Variants in TSSK1B observed in about 807,000 individuals in gnomAD.
TSSK1B encodes the protein testis-specific serine/threonine-protein kinase 1.
In TSSK1B, 2 loss-of-function variants were observed where a neutral mutation model predicts 4.0. The ratio of observed to expected loss-of-function variants is 0.50; its 90% CI spans 0.20 to 1.57. TSSK1B has a LOEUF of 1.57. TSSK1B is among the 40% of genes most tolerant of loss of function. The pLI, the probability that TSSK1B is intolerant of heterozygous loss-of-function variation, is 0.22. For missense variants in TSSK1B, 488 were observed against 495.1 expected (o/e 0.99, Z 0.14); for synonymous variants, 198 against 200.7 (o/e 0.99, Z 0.11).
Position 113,433,441 on chromosome 5 carries a change from C to T in TSSK1B, c.*295G>A, listed in dbSNP as rs528103200. 8.3e-6 allele frequency: 5 copies of T among 601,478 alleles called. No individual in the cohort carries two copies. Among genetic ancestry groups the T allele is most frequent in the East Asian group, 6.4e-5 (2 of 31,128 alleles). The allele number at this position is 601,478 out of a possible 1,614,324, so 37.3% of individuals were successfully genotyped here. A position where few individuals can be genotyped will look rare whatever the true frequency, so the allele number is the denominator to read the frequency against. On this transcript the variant is annotated 3_prime_UTR_variant, in exon 1 of 1. Transcript: ENST00000390666. The stretch of plus-strand genomic sequence containing the variant: ...TGCTCTTGCTGTCACTGAGCCGTTG[C>T]GGCCAGTGGGGACCCTCTGCTGAGA...
rs1228770455 is a variant in TSSK1B, at chr5:113,433,197, AGT to A, written c.*537_*538del. On this transcript the variant is annotated 3_prime_UTR_variant, in exon 1 of 1. Coordinates refer to ENST00000390666, the MANE Select transcript of TSSK1B (RefSeq NM_032028.4). The stretch of plus-strand genomic sequence containing the variant: ...CGGAGCCCCCGAGGCTGCCGCCGAG[AGT>A]GCCCGCGAGCCCGTGGCCCAGCCGA... 1.1e-5 allele frequency: 2 copies of A among 176,796 alleles called. No individual in the cohort carries two copies. Among genetic ancestry groups the A allele is most frequent in the Non-Finnish European group, 2.4e-5 (2 of 83,352 alleles). 11.0% of individuals were successfully genotyped at this position (176,796 alleles called of 1,614,324 possible).
In TSSK1B at chr5:113,432,866, G is replaced by C. The variant is rs1770704368; in HGVS notation, c.*870C>G. Reference sequence around the variant, plus strand: ...CAAGGAGAATGATTAAATATAAAGAGTTAAAAACAGGAATATAATTTCCAA... The same window carrying C: ...CAAGGAGAATGATTAAATATAAAGACTTAAAAACAGGAATATAATTTCCAA... On this transcript the variant is annotated 3_prime_UTR_variant, in exon 1 of 1. Transcript: ENST00000390666. The C allele has an allele frequency of 6.6e-6, 1 of 152,174 alleles. No individual in the cohort carries two copies. Among genetic ancestry groups the C allele is most frequent in the Non-Finnish European group, 1.5e-5 (1 of 68,036 alleles). 9.4% of individuals were successfully genotyped at this position (152,174 alleles called of 1,614,324 possible).
rs1770803994 is a variant in TSSK1B at position 113,434,924 on chromosome 5, G to T, written c.-85C>A. On this transcript the variant is annotated 5_prime_UTR_variant, in exon 1 of 1. Coordinates refer to ENST00000390666, the MANE Select transcript of TSSK1B (RefSeq NM_032028.4). The surrounding 1 kb of genome is among the most constrained non-coding windows in gnomAD (Gnocchi z 4.2). ...CAGCAGTGTGCTCATTTACATCCTGGATAGAGAGTCCTTTGGGCTGGCCAG... is the reference window on the plus strand; with the variant it reads ...CAGCAGTGTGCTCATTTACATCCTGTATAGAGAGTCCTTTGGGCTGGCCAG... 6.7e-7 allele frequency: 1 copy of T among 1,500,232 alleles called. No individual in the cohort carries two copies. The highest frequency in any genetic ancestry group is 1.3e-5 in the South Asian group (1 of 75,058). 92.9% of individuals were successfully genotyped at this position (1,500,232 alleles called of 1,614,324 possible). A position where few individuals can be genotyped will look rare whatever the true frequency, so the allele number is the denominator to read the frequency against.
In TSSK1B at chr5:113,434,499, C is replaced by T. The variant is rs568715339; in HGVS notation, c.341G>A (p.Arg114His). ...TRGALHEDEA[R>H]KKFHQLSLAI... The stretch of plus-strand genomic sequence containing the variant: ...CAAGGAAAGCTGGTGGAACTTCTTG[C>T]GAGCTTCGTCCTCATGCAGGGCTCC... Residue 114 changes from arginine to histidine, a missense_variant, in exon 1 of 1, where the codon CGC becomes CAC. Transcript: ENST00000390666. The surrounding 1 kb of genome is among the most constrained non-coding windows in gnomAD (Gnocchi z 4.2). 31 of 1,612,792 alleles carry T rather than the reference C, an allele frequency of 1.9e-5. No homozygotes were observed. The highest frequency in any genetic ancestry group is 9.4e-5 in the African/African-American group (7 of 74,836).
Position 113,432,706 on chromosome 5 carries a change from T to C in TSSK1B, c.*1030A>G, listed in dbSNP as rs1272377056. 2.0e-5 allele frequency: 3 copies of C among 152,236 alleles called. No individual in the cohort carries two copies. The highest frequency in any genetic ancestry group is 4.4e-5 in the Non-Finnish European group (3 of 68,038). The allele number at this position is 152,236 out of a possible 1,614,324, so 9.4% of individuals were successfully genotyped here. On this transcript the variant is annotated 3_prime_UTR_variant, in exon 1 of 1. Coordinates refer to ENST00000390666, the MANE Select transcript of TSSK1B (RefSeq NM_032028.4). ...TTGTTACATTGTTTCCAGTATTAGCTGATTCGTTTGTCCATTAATTGGATA... is the reference window on the plus strand; with the variant it reads ...TTGTTACATTGTTTCCAGTATTAGCCGATTCGTTTGTCCATTAATTGGATA...
chr5:113,433,040 C>G lies in TSSK1B; in HGVS notation c.*696G>C, dbSNP rs1407871095. 6.6e-6 allele frequency: 1 copy of G among 152,264 alleles called. No homozygotes were observed. The highest frequency in any genetic ancestry group is 6.5e-5 in the Admixed American group (1 of 15,290). 9.4% of individuals were successfully genotyped at this position (152,264 alleles called of 1,614,324 possible). ...CATTTTCTCCAGTTGCCATGCTACT[C>G]CTGAGGATCTAGGATAATACTGAAA... On this transcript the variant is annotated 3_prime_UTR_variant, in exon 1 of 1. Coordinates refer to ENST00000390666, the MANE Select transcript of TSSK1B (RefSeq NM_032028.4).
chr5:113,434,244 A>T lies in TSSK1B; in HGVS notation c.596T>A (p.Ile199Asn). ...GTAGAGGATCACGCCTAGGCTCCAG[A>T]TGTCGTACACCTTGGGCTGGTAGGG... Reference protein sequence around the residue: ...GIPYQPKVYDIWSLGVILYIM... With the variant: ...GIPYQPKVYDNWSLGVILYIM... Residue 199 changes from isoleucine to asparagine, a missense_variant, in exon 1 of 1, where the codon ATC (isoleucine) becomes AAC (asparagine). Coordinates refer to ENST00000390666, the MANE Select transcript of TSSK1B (RefSeq NM_032028.4). The surrounding 1 kb of genome is among the most constrained non-coding windows in gnomAD (Gnocchi z 4.2). 1 of 1,614,074 alleles carries T rather than the reference A, an allele frequency of 6.2e-7. No homozygotes were observed. The highest frequency in any genetic ancestry group is 1.6e-4 in the Middle Eastern group (1 of 6,062).
chr5:113,434,064 C>T lies in TSSK1B; in HGVS notation c.776G>A (p.Arg259Gln), dbSNP rs754276272. 6.8e-6 allele frequency: 11 copies of T among 1,614,024 alleles called. No individual in the cohort carries two copies. Among genetic ancestry groups the T allele is most frequent in the South Asian group, 3.3e-5 (3 of 91,078 alleles). Residue 259 changes from arginine to glutamine, a missense_variant, in exon 1 of 1, where the codon CGG becomes CAG. Transcript: ENST00000390666. The surrounding 1 kb of genome is among the most constrained non-coding windows in gnomAD (Gnocchi z 4.2). Reference protein sequence around the residue: ...IYHMLQPDVNRRLHIDEILSH... With the variant: ...IYHMLQPDVNQRLHIDEILSH... Reference sequence around the variant, plus strand: ...GAGGATCTCGTCGATGTGGAGCCGCCGGTTGACGTCGGGCTGCAGCATGTG... The same window carrying T: ...GAGGATCTCGTCGATGTGGAGCCGCTGGTTGACGTCGGGCTGCAGCATGTG...
rs1487294343 is a variant in TSSK1B at position 113,433,683 on chromosome 5, G to A, written c.*53C>T. ...TCTGGCTCCACCCTTGACTTCTTCAGAGCTTGGGCTTTAAGCCGTGAGCTC... is the reference window on the plus strand; with the variant it reads ...TCTGGCTCCACCCTTGACTTCTTCAAAGCTTGGGCTTTAAGCCGTGAGCTC... On this transcript the variant is annotated 3_prime_UTR_variant, in exon 1 of 1. Transcript: ENST00000390666. 1.3e-6 allele frequency: 2 copies of A among 1,560,670 alleles called. No homozygotes were observed. Among genetic ancestry groups the A allele is most frequent in the African/African-American group, 2.7e-5 (2 of 73,536 alleles).
rs1189796157 is a variant in TSSK1B at position 113,434,738 on chromosome 5, C to T, written c.102G>A (p.Leu34=). Residue 34 remains leucine, a synonymous_variant, in exon 1 of 1, where the codon CTG becomes CTA. Coordinates refer to ENST00000390666, the MANE Select transcript of TSSK1B (RefSeq NM_032028.4). The surrounding 1 kb of genome is among the most constrained non-coding windows in gnomAD (Gnocchi z 4.2). ...AKVKSAYSER[L]KFNVAIKIID... ...TGATCTTGATCGCCACATTGAACTTCAGGCGCTCAGAGTAAGCAGATTTTA... is the reference window on the plus strand; with the variant it reads ...TGATCTTGATCGCCACATTGAACTTTAGGCGCTCAGAGTAAGCAGATTTTA... The T allele has an allele frequency of 6.2e-7, 1 of 1,614,002 alleles. No individual in the cohort carries two copies. Among genetic ancestry groups the T allele is most frequent in the South Asian group, 1.1e-5 (1 of 91,082 alleles).
In TSSK1B at chr5:113,433,643, G is replaced by C. The variant is rs769614793; in HGVS notation, c.*93C>G. 5.3e-5 allele frequency: 76 copies of C among 1,426,068 alleles called. No individual in the cohort carries two copies. Among genetic ancestry groups the C allele is most frequent in the Non-Finnish European group, 7.2e-5 (76 of 1,061,500 alleles). The allele number at this position is 1,426,068 out of a possible 1,614,324, so 88.3% of individuals were successfully genotyped here. A position where few individuals can be genotyped will look rare whatever the true frequency, so the allele number is the denominator to read the frequency against. On this transcript the variant is annotated 3_prime_UTR_variant, in exon 1 of 1. Coordinates refer to ENST00000390666, the MANE Select transcript of TSSK1B (RefSeq NM_032028.4). ...GCTGATGAAAATAGAGGCTCATCTG[G>C]GACTGCCTTCCTTCTCTGGCTCCAC...
chr5:113,434,521 C>A lies in TSSK1B; in HGVS notation c.319G>T (p.Ala107Ser). The change falls in exon 1 of 1, where the codon GCC becomes TCC. Residue 107 changes from alanine to serine, a missense_variant. Transcript: ENST00000390666. This position sits in a 1 kb window ranked among gnomAD's most constrained non-coding sequence, Gnocchi z 4.2. ...TTGCGAGCTTCGTCCTCATGCAGGG[C>A]TCCCCGGGTTTTGATTAACTCGAGG... ...DLLELIKTRG[A>S]LHEDEARKKF... The A allele has an allele frequency of 1.9e-6, 3 of 1,612,640 alleles. No homozygotes were observed. Among genetic ancestry groups the A allele is most frequent in the Non-Finnish European group, 2.5e-6 (3 of 1,178,842 alleles).
rs752771711 is a variant in TSSK1B, at chr5:113,433,877, C to A, written c.963G>T (p.Gln321His). The A allele has an allele frequency of 1.9e-6, 3 of 1,613,996 alleles. No homozygotes were observed. The highest frequency in any genetic ancestry group is 2.5e-6 in the Non-Finnish European group (3 of 1,179,858). The stretch of plus-strand genomic sequence containing the variant: ...CCTCGGGTTTTGTCTCAGGCTGTGC[C>A]TGGGGCTGTGCCTCTCCCTCAGGCT... ...KLEPEGEAQP[Q>H]AQPETKPEGT... Residue 321 changes from glutamine to histidine, a missense_variant, in exon 1 of 1, where the codon CAG becomes CAT. Physicochemically the swap from Gln to His is conservative, Grantham distance 24 (BLOSUM62 0). Transcript: ENST00000390666.
At position 113,434,640 on chromosome 5, in the gene TSSK1B, A is replaced by G; in HGVS notation, c.200T>C (p.Leu67Ser). Residue 67 changes from leucine to serine, a missense_variant, in exon 1 of 1, where the codon TTA becomes TCA. Leu to Ser is a moderately radical substitution (Grantham distance 145). Transcript: ENST00000390666. This position sits in a 1 kb window ranked among gnomAD's most constrained non-coding sequence, Gnocchi z 4.2. ...LPREIEILAM[L>S]NHCSIIKTYE... ...GGTCTTAATGATGGAGCAGTGGTTT[A>G]ACATGGCCAGAATCTCAATTTCCCG... 1 of 1,613,982 alleles carries G rather than the reference A, an allele frequency of 6.2e-7. No individual in the cohort carries two copies. Among genetic ancestry groups the G allele is most frequent in the Non-Finnish European group, 8.5e-7 (1 of 1,179,888 alleles).
rs192198028 is a variant in TSSK1B, at chr5:113,433,772, C to A, written c.1068G>T (p.Gly356=). 1.0e-4 allele frequency: 167 copies of A among 1,613,818 alleles called. 4 individuals carry two copies. In the East Asian group the frequency reaches 3.6e-3, roughly 34 times the overall value. ...GCGTCTCTGGAGGCTGTTGGGGGGG[C>A]CCTTCCTCTGTCTCCATAGTCGACG... The part of the protein sequence containing the change: ...SKPSTMETEE[G]PPQQPPETRA... Residue 356 remains glycine (G), a synonymous_variant, in exon 1 of 1, where the codon GGG becomes GGT. Coordinates refer to ENST00000390666, the MANE Select transcript of TSSK1B (RefSeq NM_032028.4).
Position 113,434,277 on chromosome 5 carries a change from TGCAGCACCTCTGGGGCCGCATA to T in TSSK1B, c.541_562del (p.Tyr181ArgfsTer15), listed in dbSNP as rs907534939. On this transcript the variant is annotated frameshift_variant, in exon 1 of 1. Coordinates refer to ENST00000390666, the MANE Select transcript of TSSK1B (RefSeq NM_032028.4). LOFTEE classifies it low-confidence loss of function (END_TRUNC). The surrounding 1 kb of genome is among the most constrained non-coding windows in gnomAD (Gnocchi z 4.2). ...CACCTTGGGCTGGTAGGGAATGCCC[TGCAGCACCTCTGGGGCCGCATA>T]CGCTGGTGACCCACAGAAGGTCTTG... is the stretch of plus-strand genomic sequence containing the variant. 1.2e-6 allele frequency: 2 copies of T among 1,614,046 alleles called. No individual in the cohort carries two copies. The highest frequency in any genetic ancestry group is 2.7e-5 in the African/African-American group (2 of 74,920).
In TSSK1B at chr5:113,434,215, T is replaced by C. The variant is rs1254257301; in HGVS notation, c.625A>G (p.Met209Val). ...TCGTAGGGCATGGAGCCGCAGACCATGATGTAGAGGATCACGCCTAGGCTC... is the reference window on the plus strand; with the variant it reads ...TCGTAGGGCATGGAGCCGCAGACCACGATGTAGAGGATCACGCCTAGGCTC... ...IWSLGVILYI[M>V]VCGSMPYDDS... Residue 209 changes from methionine to valine, a missense_variant, in exon 1 of 1, where the codon ATG (methionine) becomes GTG (valine). Transcript: ENST00000390666. This position sits in a 1 kb window ranked among gnomAD's most constrained non-coding sequence, Gnocchi z 4.2. 9.9e-6 allele frequency: 16 copies of C among 1,613,926 alleles called. No homozygotes were observed. In the African/African-American group the frequency reaches 1.6e-4, roughly 16 times the overall value.
In TSSK1B at chr5:113,434,177, G is replaced by C. The variant is rs1363864617; in HGVS notation, c.663C>G (p.Ile221Met). ...CCTTCTGGATACGCAGCATCTTCTT[G>C]ATGTTGGAGTCGTCGTAGGGCATGG... ...CGSMPYDDSNIKKMLRIQKEH... is the reference protein window; with the variant it reads ...CGSMPYDDSNMKKMLRIQKEH... Residue 221 changes from isoleucine to methionine, a missense_variant, in exon 1 of 1, where the codon ATC (isoleucine) becomes ATG (methionine). Physicochemically the swap from Ile to Met is conservative, Grantham distance 10 (BLOSUM62 1). Transcript: ENST00000390666. The surrounding 1 kb of genome is among the most constrained non-coding windows in gnomAD (Gnocchi z 4.2). 1 of 1,614,174 alleles carries C rather than the reference G, an allele frequency of 6.2e-7. No homozygotes were observed. Among genetic ancestry groups the C allele is most frequent in the Non-Finnish European group, 8.5e-7 (1 of 1,180,006 alleles).
rs1167817034 is a variant in TSSK1B, at chr5:113,434,404, T to C, written c.436A>G (p.Lys146Glu). The C allele has an allele frequency of 6.2e-7, 1 of 1,613,748 alleles. No homozygotes were observed. The highest frequency in any genetic ancestry group is 1.1e-5 in the South Asian group (1 of 91,052). ...TCGGACAGCTTGATGTTGAAGTCCT[T>C]GTCAAGGAGAAGGTTGTCACACTTG... ...DLKCDNLLLDKDFNIKLSDFS... is the reference protein window; with the variant it reads ...DLKCDNLLLDEDFNIKLSDFS... Residue 146 changes from lysine to glutamate, a missense_variant, in exon 1 of 1, where the codon AAG becomes GAG. Lys to Glu is a moderately conservative substitution (Grantham distance 56, BLOSUM62 1). Coordinates refer to ENST00000390666, the MANE Select transcript of TSSK1B (RefSeq NM_032028.4). This position sits in a 1 kb window ranked among gnomAD's most constrained non-coding sequence, Gnocchi z 4.2.
Sources: gnomAD v4.1 joint callset for allele counts on GRCh38, gnomAD v4.1.1 for gene constraint, Gnocchi (gnomAD v3.1) non-coding constraint, MANE v1.5 for transcripts, NCBI Gene and HGNC (gene_info 2026-07-23, HGNC 2026-07-21) for gene names.